Variants in PKP4 observed in about 807,000 individuals in gnomAD.
The protein encoded by PKP4 is plakophilin-4.
In PKP4, 90 loss-of-function variants were observed where a neutral mutation model predicts 145.1. The ratio of observed to expected loss-of-function variants is 0.62; its 90% CI spans 0.52 to 0.74. The LOEUF (loss-of-function observed/expected upper bound fraction) is 0.74. Ranked by LOEUF, PKP4 falls within the 30% of genes least tolerant of loss-of-function variation. The probability of loss-of-function intolerance (pLI) is 0.00; values close to 1 mark genes in which losing one functional copy is unlikely to be tolerated. For synonymous variants in PKP4, 563 were observed against 577.2 expected, an observed-to-expected ratio of 0.98 and a Z score of 0.35; for missense variants, 1,340 against 1,482.7, an observed-to-expected ratio of 0.90 and a Z score of 1.58.
chr2:158,546,104 G>A (rs2045013608), intron 2 of PKP4, among the ~76,000 whole-genome samples: 1 of 152,130 alleles, frequency 6.6e-6, no homozygotes, highest in Non-Finnish European at 1.5e-5. Context: ...TTCTGAATTT[G>A]TGTATCTGTT....
At chr2:158,517,829 T>C (rs565231135) in intron 1 of PKP4, among the ~76,000 whole-genome samples, 1 of 152,058 alleles carries the variant, frequency 6.6e-6, no homozygotes, top group South Asian at 2.1e-4. Flanking sequence ...GAGCTGAGGA[T>C]TGCCTGAGCC....
At chr2:158,597,141 C>T (rs770357539) in intron 3 of PKP4, among the ~76,000 whole-genome samples, 3 of 152,178 alleles carry the variant, frequency 2.0e-5, no homozygotes, top group Non-Finnish European at 4.4e-5. Context: ...CATGTATTCC[C>T]AGCCTCTAAC....
chr2:158,554,715 G>A (rs991053550), intron 2 of PKP4, among the ~76,000 whole-genome samples: 2 of 152,160 alleles, frequency 1.3e-5, no homozygotes, highest in Non-Finnish European at 2.9e-5. Context: ...GTGAGCCACT[G>A]CGCCCTGCCA....
chr2:158,605,588 CCTTTT>C (rs937383247), intron 4 of PKP4, among the ~76,000 whole-genome samples: 1 of 151,828 alleles, frequency 6.6e-6, no homozygotes, highest in African/African-American at 2.4e-5. Context: ...CTCTTAACAG[CCTTTT>C]CTTTCTTTAT....
At position 158,639,755 on chromosome 2, in the gene PKP4, T is replaced by C. The variant is rs975645418; in HGVS notation, c.1563-872T>C. Among the ~76,000 whole-genome samples, 8 of 152,302 alleles carry C rather than the reference T, an allele frequency of 5.3e-5. No individual in the cohort carries two copies. In the South Asian group the frequency reaches 1.2e-3, roughly 24 times the overall value. On this transcript the variant is annotated intron_variant, in intron 9 of 21. Transcript: ENST00000389759. ...AAAGTATATATACATAGCATGATTATGTATTCATTGTTCAAAAAAATGGTA... is the reference window on the plus strand; with the variant it reads ...AAAGTATATATACATAGCATGATTACGTATTCATTGTTCAAAAAAATGGTA...
At chr2:158,548,688 TG>T in intron 2 of PKP4, 1 of 211,590 alleles carries the variant, frequency 4.7e-6, no homozygotes, top group South Asian at 7.2e-5. Context: ...ACCCCGGCCG[TG>T]GACCGCCAAG....
rs187594986 is a variant in PKP4 at position 158,478,216 on chromosome 2, T to C, written c.-6+20998T>C. On this transcript the variant is annotated intron_variant, in intron 1 of 21. Transcript: ENST00000389759. ...TTTTAAAGACATTATTATTTAGATT[T>C]TTTTTTTGATTAGGGAAGCATTCAG... Among the ~76,000 whole-genome samples, 700 of 152,098 alleles carry C rather than the reference T, an allele frequency of 4.6e-3. 1 individual carries two copies. The highest frequency in any genetic ancestry group is 0.015 in the African/African-American group (642 of 41,522).
chr2:158,482,141 C>T (rs1009684068), intron 1 of PKP4, among the ~76,000 whole-genome samples: 14 of 152,224 alleles, frequency 9.2e-5, no homozygotes, highest in Non-Finnish European at 2.9e-5. Flanking sequence ...CTTGGTCATA[C>T]TGGCCACATT....
intron 2 of PKP4, among the ~76,000 whole-genome samples, chr2:158,552,736 G>A (rs1397401251): frequency 1.3e-5 from 2 of 152,088 alleles, no homozygotes; most frequent in Admixed American, 1.3e-4. Context: ...GTTTCCCAGT[G>A]CACATAAAAG....
At chr2:158,520,744 T>C (rs999848604) in intron 1 of PKP4, among the ~76,000 whole-genome samples, 2 of 152,242 alleles carry the variant, frequency 1.3e-5, no homozygotes, top group African/African-American at 2.4e-5. Context: ...CCTCTGACTT[T>C]GGTGGTGGTC....
chr2:158,643,712 C>CAAAA (rs762303684), intron 11 of PKP4, among the ~76,000 whole-genome samples: 12,302 of 69,180 alleles, frequency 0.18, 815 homozygotes, highest in East Asian at 0.34. Flanking sequence ...GGCCCTGTTT[C>CAAAA]AAAAAAAAAA....
rs1357902270 is a variant in PKP4 at position 158,621,033 on chromosome 2, T to C, written c.324T>C (p.Ala108=). ...TGVSKPRVSD[A]VQPNNYLIRT... ...TAAGCAAACCTAGAGTTTCTGACGC[T>C]GTCCAGCCCAACAACTATCTCATCA... The change falls in exon 5 of 22, where the codon GCT becomes GCC. Residue 108 remains alanine, a synonymous_variant. Transcript: ENST00000389759. The C allele has an allele frequency of 6.2e-7, 1 of 1,614,042 alleles. No homozygotes were observed. Among genetic ancestry groups the C allele is most frequent in the Non-Finnish European group, 8.5e-7 (1 of 1,179,990 alleles).
At chr2:158,550,127 C>T (rs2045467252) in intron 2 of PKP4, among the ~76,000 whole-genome samples, 1 of 104,230 alleles carries the variant, frequency 9.6e-6, no homozygotes, top group Non-Finnish European at 2.7e-5. Flanking sequence ...TAAAACATTA[C>T]TTTTCTGCCA....
chr2:158,668,168 CTTTT>C (rs779923239), intron 16 of PKP4, among the ~76,000 whole-genome samples: 2 of 135,892 alleles, frequency 1.5e-5, no homozygotes, highest in Non-Finnish European at 1.6e-5. Context: ...CAGTGATGAG[CTTTT>C]TTTTTTTTTT....
At chr2:158,577,202 T>C (rs2047926430) in intron 2 of PKP4, 69 bp from the exon 3 acceptor site, 4 of 915,586 alleles carry the variant, frequency 4.4e-6, no homozygotes, top group Non-Finnish European at 6.9e-6. Flanking sequence ...GTGACATACA[T>C]TAATTCATAT....
chr2:158,670,245 A>G (rs1409244318), intron 17 of PKP4, among the ~76,000 whole-genome samples: 1 of 152,182 alleles, frequency 6.6e-6, no homozygotes, highest in African/African-American at 2.4e-5. Context: ...TCACAGTTCT[A>G]GAGGCCGGGA....
chr2:158,615,469 G>C (rs1236061155), intron 4 of PKP4, among the ~76,000 whole-genome samples: 1 of 151,956 alleles, frequency 6.6e-6, no homozygotes, highest in Non-Finnish European at 1.5e-5. Context: ...CCTTTTATAG[G>C]TATAAAGTAT....
chr2:158,467,928 A>G (rs1205943925), intron 1 of PKP4, among the ~76,000 whole-genome samples: 2 of 152,232 alleles, frequency 1.3e-5, no homozygotes, highest in African/African-American at 2.4e-5. Context: ...CCCATTTTGC[A>G]TAATTCTTTG....
intron 1 of PKP4, among the ~76,000 whole-genome samples, chr2:158,474,211 A>T (rs1452312696): frequency 6.6e-6 from 1 of 151,380 alleles, no homozygotes; most frequent in Non-Finnish European, 1.5e-5. Flanking sequence ...GCAAAGACAG[A>T]GGGAAGCTCC....
Sources: allele counts gnomAD v4.1 joint callset (sites outside exome capture counted in the v4.1 genomes callset), GRCh38; gene constraint gnomAD v4.1.1; transcripts MANE v1.5; gene names NCBI Gene and HGNC (gene_info 2026-07-23, HGNC 2026-07-21).